Variants in CLSTN1 observed in about 807,000 individuals in gnomAD.
CLSTN1 encodes the protein calsyntenin 1.
Under a neutral mutation model 108.3 loss-of-function variants are expected in CLSTN1, and 28 were observed. The ratio of observed to expected loss-of-function variants is 0.26; its 90% CI spans 0.19 to 0.35. The LOEUF (loss-of-function observed/expected upper bound fraction) is 0.35. Among genes scored for constraint, CLSTN1 ranks in the 10% least tolerant of loss-of-function variants. CLSTN1 has a pLI of 1.00. For missense variants in CLSTN1, 1,157 were observed against 1,302.6 expected, an observed-to-expected ratio of 0.89 and a Z score of 1.72; for synonymous variants, 524 against 534.9, an observed-to-expected ratio of 0.98 and a Z score of 0.28.
In CLSTN1 at chr1:9,734,874, G is replaced by A; in HGVS notation, c.2110+74C>T. 3 of 1,255,174 alleles carry A rather than the reference G, an allele frequency of 2.4e-6. No homozygotes were observed. The highest frequency in any genetic ancestry group is 2.3e-6 in the Non-Finnish European group (2 of 861,632). 77.8% of individuals were successfully genotyped at this position (1,255,174 alleles called of 1,614,324 possible). A position where few individuals can be genotyped will look rare whatever the true frequency, so the allele number is the denominator to read the frequency against. ...TCCCCAAATCCCACAGAGACAAAGA[G>A]CCCCGCCAAGTACATGGGGACAATG... On this transcript the variant is annotated intron_variant, in intron 14 of 18. Transcript: ENST00000377298. This position sits in a 1 kb window ranked among gnomAD's most constrained non-coding sequence, Gnocchi z 4.8.
chr1:9,801,141 G>A (rs1654246234), intron 1 of CLSTN1, among the ~76,000 whole-genome samples: 1 of 152,034 alleles, frequency 6.6e-6, no homozygotes, highest in Non-Finnish European at 1.5e-5. Context: ...AGCTACTTGG[G>A]AGGCTGAGGC....
chr1:9,776,498 A>T (rs72855716), intron 1 of CLSTN1, among the ~76,000 whole-genome samples: 1 of 151,874 alleles, frequency 6.6e-6, no homozygotes, highest in Non-Finnish European at 1.5e-5. Flanking sequence ...AATGGTAGAC[A>T]GGAAAATTTT....
rs138910772 is a variant in CLSTN1, at chr1:9,823,920, C to T, written c.-187G>A. On this transcript the variant is annotated 5_prime_UTR_variant, in exon 1 of 19. Coordinates refer to ENST00000377298, the MANE Select transcript of CLSTN1 (RefSeq NM_001009566.3). This position sits in a 1 kb window ranked among gnomAD's most constrained non-coding sequence, Gnocchi z 6.3. ...CGCGCTCAGGACGCGGCGCCCTCCC[C>T]GCCTCAGAGCAGCGTCTTGCTGAAG... is the stretch of plus-strand genomic sequence containing the variant. The T allele has an allele frequency of 3.8e-3, 635 of 167,368 alleles. 6 individuals carry two copies. Among genetic ancestry groups the T allele is most frequent in the African/African-American group, 0.015 (609 of 41,528 alleles). The allele number at this position is 167,368 out of a possible 1,614,324, so 10.4% of individuals were successfully genotyped here.
intron 1 of CLSTN1, among the ~76,000 whole-genome samples, chr1:9,776,524 T>G (rs563371474): frequency 6.7e-6 from 1 of 148,622 alleles, no homozygotes; most frequent in African/African-American, 2.5e-5. Context: ...AGTTTACATT[T>G]AAAAAAAAAA....
At chr1:9,789,213 GATTCTA>G (rs1168671923) in intron 1 of CLSTN1, among the ~76,000 whole-genome samples, 1 of 151,364 alleles carries the variant, frequency 6.6e-6, no homozygotes, top group Non-Finnish European at 1.5e-5. Flanking sequence ...ATCATACGGT[GATTCTA>G]TCTTTAGGGT....
At position 9,744,275 on chromosome 1, in the gene CLSTN1, G is replaced by A. The variant is rs1026386588; in HGVS notation, c.1234+120C>T. The A allele has an allele frequency of 6.4e-6, 9 of 1,403,714 alleles. No individual in the cohort carries two copies. The Admixed American group carries it at 2.0e-4, about 31-fold the overall frequency. 87.0% of individuals were successfully genotyped at this position (1,403,714 alleles called of 1,614,324 possible). ...CCAAGTGCCCCAGGCACACAGCATG[G>A]CACATGGCCTACGAGCACCAGGCTG... On this transcript the variant is annotated intron_variant, in intron 8 of 18. Transcript: ENST00000377298.
Position 9,749,531 on chromosome 1 carries a change from T to C in CLSTN1, c.915A>G (p.Leu305=). 6.2e-7 allele frequency: 1 copy of C among 1,614,244 alleles called. No individual in the cohort carries two copies. The highest frequency in any genetic ancestry group is 8.5e-7 in the Non-Finnish European group (1 of 1,180,050). ...AGCCTTTCCCTATGTGGCTGGTTTC[T>C]AGCTCCACTGTGGCCTGTACTGAGG... ...PVASVQATVE[L]ETSHIGKGCD... Residue 305 remains leucine, a synonymous_variant, in exon 7 of 19, where the codon CTA becomes CTG. Coordinates refer to ENST00000377298, the MANE Select transcript of CLSTN1 (RefSeq NM_001009566.3).
At position 9,756,425 on chromosome 1, in the gene CLSTN1, T is replaced by C. The variant is rs1651806831; in HGVS notation, c.244+56A>G. The C allele has an allele frequency of 7.5e-6, 11 of 1,469,592 alleles. No individual in the cohort carries two copies. The Admixed American group carries it at 1.9e-4, about 26-fold the overall frequency. The allele number at this position is 1,469,592 out of a possible 1,614,324, so 91.0% of individuals were successfully genotyped here. A position where few individuals can be genotyped will look rare whatever the true frequency, so the allele number is the denominator to read the frequency against. Reference sequence around the variant, plus strand: ...GTTTAAGGGCTGATTCCCAATTTTATAAACAAAGTTAGTGGGTTAATATTC... The same window carrying C: ...GTTTAAGGGCTGATTCCCAATTTTACAAACAAAGTTAGTGGGTTAATATTC... On this transcript the variant is annotated intron_variant, in intron 3 of 18. Coordinates refer to ENST00000377298, the MANE Select transcript of CLSTN1 (RefSeq NM_001009566.3).
intron 1 of CLSTN1, among the ~76,000 whole-genome samples, chr1:9,805,792 AG>A (rs760656633): frequency 3.4e-5 from 5 of 148,578 alleles, no homozygotes; most frequent in Non-Finnish European, 4.4e-5. Flanking sequence ...GCTTGAACCC[AG>A]GAGGCGGAGG....
intron 7 of CLSTN1, among the ~76,000 whole-genome samples, chr1:9,748,675 A>C (rs1416683074): frequency 6.6e-6 from 1 of 151,930 alleles, no homozygotes; most frequent in African/African-American, 2.4e-5. Flanking sequence ...TTTTGTAGAG[A>C]CAGGGTTTTC....
chr1:9,809,757 C>T (rs1305257290), intron 1 of CLSTN1, among the ~76,000 whole-genome samples: 3 of 151,662 alleles, frequency 2.0e-5, no homozygotes, highest in Non-Finnish European at 2.9e-5. Flanking sequence ...AAAAATCAGC[C>T]GGGCGCGGTG....
rs761733762 is a variant in CLSTN1 at position 9,795,385 on chromosome 1, G to T, written c.92-21991C>A. ...TTCTCCATGTTGGTCAGGATGGTCTGAAACTCCCAACCTCAGGTGATCTGC... is the reference window on the plus strand; with the variant it reads ...TTCTCCATGTTGGTCAGGATGGTCTTAAACTCCCAACCTCAGGTGATCTGC... On this transcript the variant is annotated intron_variant, in intron 1 of 18. Transcript: ENST00000377298. 2.7e-4 allele frequency among the ~76,000 whole-genome samples: 41 copies of T among 150,978 alleles called. 1 individual carries two copies. Among genetic ancestry groups the T allele is most frequent in the Non-Finnish European group, 4.7e-4 (32 of 67,974 alleles).
At position 9,816,723 on chromosome 1, in the gene CLSTN1, TG is replaced by T. The variant is rs556955466; in HGVS notation, c.91+6919del. 1.7e-3 allele frequency among the ~76,000 whole-genome samples: 256 copies of T among 152,154 alleles called. 1 individual carries two copies. The highest frequency in any genetic ancestry group is 5.9e-3 in the African/African-American group (246 of 41,520). Reference sequence around the variant, plus strand: ...GTGCAATGGTGTGATCTCGACTCACTGCAACCTCCGCCCCCTGGGTTCAAGC... The same window carrying T: ...GTGCAATGGTGTGATCTCGACTCACTCAACCTCCGCCCCCTGGGTTCAAGC... On this transcript the variant is annotated intron_variant, in intron 1 of 18. Coordinates refer to ENST00000377298, the MANE Select transcript of CLSTN1 (RefSeq NM_001009566.3).
At chr1:9,760,438 G>T (rs1017931252) in intron 2 of CLSTN1, among the ~76,000 whole-genome samples, 7 of 152,124 alleles carry the variant, frequency 4.6e-5, no homozygotes, top group African/African-American at 7.2e-5. Flanking sequence ...ACCTCAAGGG[G>T]CCATTTGTGC....
intron 2 of CLSTN1, among the ~76,000 whole-genome samples, chr1:9,772,452 C>T (rs1320447216): frequency 1.3e-5 from 2 of 152,114 alleles, no homozygotes; most frequent in Non-Finnish European, 2.9e-5. Context: ...AGATTACAGG[C>T]ATGTCACTGT....
At chr1:9,767,498 T>C (rs1328681396) in intron 2 of CLSTN1, among the ~76,000 whole-genome samples, 4 of 145,972 alleles carry the variant, frequency 2.7e-5, no homozygotes, top group Non-Finnish European at 5.9e-5. Context: ...TGAGCCGAGA[T>C]AGCACCACTG....
intron 1 of CLSTN1, among the ~76,000 whole-genome samples, chr1:9,797,920 C>T (rs551680510): frequency 2.2e-4 from 34 of 151,876 alleles, no homozygotes; most frequent in Non-Finnish European, 2.2e-4. Flanking sequence ...ATGGTGAAAC[C>T]TCATCTTTAC....
intron 1 of CLSTN1, among the ~76,000 whole-genome samples, chr1:9,794,667 G>A (rs1243459181): frequency 1.3e-5 from 2 of 151,352 alleles, no homozygotes; most frequent in African/African-American, 4.8e-5. Context: ...CCAGGGACGT[G>A]CCATGATTTC....
At chr1:9,793,681 G>A (rs931706113) in intron 1 of CLSTN1, among the ~76,000 whole-genome samples, 19 of 151,480 alleles carry the variant, frequency 1.3e-4, no homozygotes, top group Non-Finnish European at 2.4e-4. Context: ...CCCGCCTCGG[G>A]TGGGGTCTTC....
Sources: allele counts gnomAD v4.1 joint callset (sites outside exome capture counted in the v4.1 genomes callset), GRCh38; gene constraint gnomAD v4.1.1; non-coding constraint Gnocchi (gnomAD v3.1); transcripts MANE v1.5; gene names NCBI Gene and HGNC (gene_info 2026-07-23, HGNC 2026-07-21).